The following HPRT1 variants were observed in gnomAD, a reference collection of about 807,000 sequenced individuals.
HPRT1 encodes the protein hypoxanthine phosphoribosyltransferase 1.
Under a neutral mutation model 19.0 loss-of-function variants are expected in HPRT1, and 4 were observed. The observed-to-expected ratio is 0.21, with a 90% confidence interval of 0.10 to 0.48. The LOEUF (loss-of-function observed/expected upper bound fraction) is 0.48, where lower values mean the gene tolerates loss of function less well. HPRT1 is among the 20% of genes least tolerant of loss of function. HPRT1 has a pLI of 0.98. For missense variants in HPRT1, 65 were observed against 164.0 expected, an observed-to-expected ratio of 0.40 and a Z score of 3.30; for synonymous variants, 53 against 54.9, an observed-to-expected ratio of 0.97 and a Z score of 0.15.
intron 1 of HPRT1, among the ~76,000 whole-genome samples, chrX:134,461,453 A>G (rs1436975894): frequency 2.7e-5 from 3 of 112,458 alleles, no homozygotes; most frequent in African/African-American, 9.7e-5. Flanking sequence ...GAGCAGTGCT[A>G]TTAACGGAGT....
intron 6 of HPRT1, 53 bp downstream of exon 6, chrX:134,493,643 G>T: frequency 1.3e-6 from 1 of 768,356 alleles, no homozygotes. Context: ...GGGGGATTAA[G>T]TGATTGCTTC....
At chrX:134,492,074 T>A (rs2077669064) in intron 5 of HPRT1, among the ~76,000 whole-genome samples, 2 of 101,274 alleles carry the variant, frequency 2.0e-5, no homozygotes, top group Non-Finnish European at 2.0e-5. Context: ...GTTTTTTTTT[T>A]TTTTAAGTAG....
At chrX:134,464,851 G>T (rs2077592893) in intron 1 of HPRT1, among the ~76,000 whole-genome samples, 1 of 110,615 alleles carries the variant, frequency 9.0e-6, no homozygotes, top group Non-Finnish European at 1.9e-5. Context: ...ACAGGTGGGA[G>T]CCACTACGCC....
chrX:134,500,383 A>G lies in HPRT1; in HGVS notation c.*306A>G. On this transcript the variant is annotated 3_prime_UTR_variant, in exon 9 of 9. Coordinates refer to ENST00000298556, the MANE Select transcript of HPRT1 (RefSeq NM_000194.3). ...TTGAACTCATATCTGTAAGAAATAA[A>G]GAGAAGATATATTAGTTTTTTAATT... The G allele has an allele frequency of 2.3e-5, 5 of 219,423 alleles. No individual in the cohort carries two copies. The highest frequency in any genetic ancestry group is 3.3e-5 in the Non-Finnish European group (4 of 121,624). 18.1% of individuals were successfully genotyped at this position (219,423 alleles called of 1,213,427 possible). A position where few individuals can be genotyped will look rare whatever the true frequency, so the allele number is the denominator to read the frequency against.
At chrX:134,486,385 TTG>T (rs1484809834) in intron 3 of HPRT1, 78 bp from the exon 4 acceptor site, 2 of 452,400 alleles carry the variant, frequency 4.4e-6, no homozygotes, top group Admixed American at 5.2e-5. Flanking sequence ...AATTTGAAGT[TTG>T]TGTGTGTACA....
chrX:134,500,372 G>T lies in HPRT1; in HGVS notation c.*295G>T. On this transcript the variant is annotated 3_prime_UTR_variant, in exon 9 of 9. Transcript: ENST00000298556. ...TGAGTGAAACATTGAACTCATATCT[G>T]TAAGAAATAAAGAGAAGATATATTA... is the stretch of plus-strand genomic sequence containing the variant. 4.1e-6 allele frequency: 1 copy of T among 242,732 alleles called. No individual in the cohort carries two copies. Among genetic ancestry groups the T allele is most frequent in the Non-Finnish European group, 7.3e-6 (1 of 136,626 alleles). The allele number at this position is 242,732 out of a possible 1,213,427, so 20.0% of individuals were successfully genotyped here. A position where few individuals can be genotyped will look rare whatever the true frequency, so the allele number is the denominator to read the frequency against.
At position 134,500,474 on chromosome X, in the gene HPRT1, G is replaced by A. The variant is rs1051396356; in HGVS notation, c.*397G>A. On this transcript the variant is annotated 3_prime_UTR_variant, in exon 9 of 9. Transcript: ENST00000298556. The stretch of plus-strand genomic sequence containing the variant: ...ATTGAATATTGTTAATTATACCACC[G>A]TGTGTTAGAAAAGTAAGAAGCAGTC... The A allele has an allele frequency of 4.9e-5, 6 of 122,909 alleles. No homozygotes were observed. Among genetic ancestry groups the A allele is most frequent in the South Asian group, 5.9e-4 (2 of 3,362 alleles). 10.1% of individuals were successfully genotyped at this position (122,909 alleles called of 1,213,427 possible).
intron 1 of HPRT1, among the ~76,000 whole-genome samples, chrX:134,462,250 G>A (rs931318435): frequency 5.4e-5 from 6 of 110,993 alleles, no homozygotes; most frequent in African/African-American, 1.6e-4. Context: ...GCATGATCTC[G>A]GCTCAGTGCA....
chrX:134,495,118 G>A lies in HPRT1; in HGVS notation c.485+1528G>A, dbSNP rs1406711484. ...TTTTGGCTTCCTTGGAGGTGATATC[G>A]CCTCTGTTGAGTATAAGTGGCCTAC... On this transcript the variant is annotated intron_variant, in intron 6 of 8. Transcript: ENST00000298556. Among the ~76,000 whole-genome samples, 5 of 107,128 alleles carry A rather than the reference G, an allele frequency of 4.7e-5. No individual in the cohort carries two copies. In the East Asian group the frequency reaches 1.5e-3, roughly 31 times the overall value. 93.0% of individuals were successfully genotyped at this position (107,128 alleles called of 115,157 possible). A position where few individuals can be genotyped will look rare whatever the true frequency, so the allele number is the denominator to read the frequency against.
chrX:134,470,174 C>T (rs1248661270), intron 1 of HPRT1, among the ~76,000 whole-genome samples: 1 of 112,220 alleles, frequency 8.9e-6, no homozygotes, highest in African/African-American at 3.2e-5. Context: ...TGCTGTATAG[C>T]ACTATGCCTC....
At chrX:134,499,533 G>A (rs1381982949) in intron 8 of HPRT1, among the ~76,000 whole-genome samples, 3 of 109,606 alleles carry the variant, frequency 2.7e-5, no homozygotes, top group East Asian at 2.9e-4. Context: ...GACTGGGCGC[G>A]GTGGCTCACG....
intron 5 of HPRT1, among the ~76,000 whole-genome samples, chrX:134,492,045 A>G (rs980382675): frequency 4.0e-5 from 4 of 100,650 alleles, no homozygotes; most frequent in Non-Finnish European, 7.9e-5. Flanking sequence ...ACACACACAC[A>G]CACATATATA....
intron 4 of HPRT1, among the ~76,000 whole-genome samples, chrX:134,489,546 A>G (rs1286271297): frequency 9.0e-6 from 1 of 111,686 alleles, no homozygotes; most frequent in Non-Finnish European, 1.9e-5. Context: ...TATAACTAGC[A>G]TAAGAACAGA....
At chrX:134,464,033 A>G (rs991015172) in intron 1 of HPRT1, among the ~76,000 whole-genome samples, 1 of 111,439 alleles carries the variant, frequency 9.0e-6, no homozygotes, top group African/African-American at 3.3e-5. Context: ...CAGAGTGAAC[A>G]TGTCTATTCT....
Position 134,468,069 on chromosome X carries a change from C to T in HPRT1, c.28-5290C>T, listed in dbSNP as rs1311035743. Among the ~76,000 whole-genome samples the T allele has an allele frequency of 2.0e-4, 22 of 108,981 alleles. No homozygotes were observed. The Admixed American group carries it at 2.2e-3, about 11-fold the overall frequency. 94.6% of individuals were successfully genotyped at this position (108,981 alleles called of 115,157 possible). A position where few individuals can be genotyped will look rare whatever the true frequency, so the allele number is the denominator to read the frequency against. On this transcript the variant is annotated intron_variant, in intron 1 of 8. Coordinates refer to ENST00000298556, the MANE Select transcript of HPRT1 (RefSeq NM_000194.3). The stretch of plus-strand genomic sequence containing the variant: ...TCGAGCGATCAACTTGCCTTGGCCT[C>T]CCAAAGTGCTGGGATTACAGGCATG...
chrX:134,492,559 T>A (rs1368875231), intron 5 of HPRT1: 3 of 328,104 alleles, frequency 9.1e-6, no homozygotes, highest in African/African-American at 2.7e-5. Context: ...AGGGCCCGTT[T>A]TCTCACTGGC....
intron 3 of HPRT1, among the ~76,000 whole-genome samples, chrX:134,483,015 T>C (rs1449308067): frequency 3.7e-5 from 4 of 109,243 alleles, no homozygotes; most frequent in African/African-American, 1.0e-4. Context: ...ATGACTGTTT[T>C]CCGATAAAAA....
intron 5 of HPRT1, among the ~76,000 whole-genome samples, chrX:134,493,140 G>A (rs1020589784): frequency 9.0e-6 from 1 of 111,724 alleles, no homozygotes; most frequent in Non-Finnish European, 1.9e-5. Context: ...CATGTTTCTC[G>A]AGTGTAGTCT....
At chrX:134,473,089 C>A (rs898585633) in intron 1 of HPRT1, among the ~76,000 whole-genome samples, 4 of 110,247 alleles carry the variant, frequency 3.6e-5, no homozygotes, top group Non-Finnish European at 7.6e-5. Flanking sequence ...GGGATTTCAC[C>A]GTGTTGCCCA....
Sources: gnomAD v4.1 joint callset for allele counts (sites outside exome capture counted in the v4.1 genomes callset) on GRCh38, gnomAD v4.1.1 for gene constraint, MANE v1.5 for transcripts, NCBI Gene and HGNC (gene_info 2026-07-23, HGNC 2026-07-21) for gene names.